SNX4: variants seen among roughly 807,000 people sequenced by gnomAD.
SNX4 encodes sorting nexin 4, also known as sorting nexin-4.
Under a neutral mutation model 70.8 loss-of-function variants are expected in SNX4, and 49 were observed. The observed-to-expected ratio is 0.69, with a 90% confidence interval of 0.55 to 0.88. The LOEUF (loss-of-function observed/expected upper bound fraction) is 0.88. Among genes scored for constraint, SNX4 ranks in the 40% least tolerant of loss-of-function variants. The pLI is 0.00. For missense variants in SNX4, 528 were observed against 544.8 expected (o/e 0.97, Z 0.31); for synonymous variants, 206 against 183.8 (o/e 1.12, Z -0.98).
At chr3:125,480,664 C>T (rs890248024) in intron 6 of SNX4, among the ~76,000 whole-genome samples, 1 of 152,176 alleles carries the variant, frequency 6.6e-6, no homozygotes, top group Non-Finnish European at 1.5e-5. Flanking sequence ...CTCATGGTCT[C>T]TAACCTCAAT....
chr3:125,490,110 C>G (rs1404363883), intron 5 of SNX4, among the ~76,000 whole-genome samples: 2 of 151,858 alleles, frequency 1.3e-5, no homozygotes, highest in African/African-American at 2.4e-5. Flanking sequence ...GCCTGGACGA[C>G]AGAGAGAGAC....
At chr3:125,508,113 T>TCC (rs1935090310) in intron 1 of SNX4, among the ~76,000 whole-genome samples, 1 of 152,194 alleles carries the variant, frequency 6.6e-6, no homozygotes, top group South Asian at 2.1e-4. Flanking sequence ...AGATTTAATA[T>TCC]TATGAAGATA....
intron 13 of SNX4, among the ~76,000 whole-genome samples, chr3:125,448,300 ATTTT>A (rs199847928): frequency 7.6e-6 from 1 of 131,754 alleles, no homozygotes; most frequent in East Asian, 2.2e-4. Context: ...TATTTTTTGT[ATTTT>A]TTTTTTTTTT....
chr3:125,451,384 C>T lies in SNX4; in HGVS notation c.1226G>A (p.Arg409His), dbSNP rs760446516. The T allele has an allele frequency of 2.5e-6, 4 of 1,613,512 alleles. No homozygotes were observed. The highest frequency in any genetic ancestry group is 2.2e-5 in the East Asian group (1 of 44,842). The change falls in exon 13 of 14, where the codon CGC (arginine) becomes CAC (histidine). Residue 409 changes from arginine (R) to histidine (H), a missense_variant. Physicochemically the swap from Arg to His is conservative, Grantham distance 29 (BLOSUM62 0). Coordinates refer to ENST00000251775, the MANE Select transcript of SNX4 (RefSeq NM_003794.4). ...FVKNAWADIE[R>H]FKEQKNRDLK... ...GTCTCGGTTCTTTTGTTCTTTGAAG[C>T]GTTCAATATCAGCCCATGCGTTTTT...
chr3:125,465,122 T>C (rs1053736516), intron 9 of SNX4, among the ~76,000 whole-genome samples: 5 of 152,276 alleles, frequency 3.3e-5, no homozygotes, highest in African/African-American at 7.2e-5. Flanking sequence ...ACTCCAGGGA[T>C]CTACTCACGT....
chr3:125,500,799 C>CAAAAAAAAAAAAAAAAAAAAAAAAAAA (rs770336677), intron 2 of SNX4, among the ~76,000 whole-genome samples: 2 of 29,316 alleles, frequency 6.8e-5, no homozygotes, highest in African/African-American at 1.3e-4. Flanking sequence ...GACTCCGTCT[C>CAAAAAAAAAAAAAAAAAAAAAAAAAAA]AAAAAAAAAA....
At chr3:125,448,491 ATTGAG>A (rs1307460846) in intron 13 of SNX4, among the ~76,000 whole-genome samples, 1 of 151,860 alleles carries the variant, frequency 6.6e-6, no homozygotes, top group South Asian at 2.1e-4. Context: ...ACAAATATAA[ATTGAG>A]TTATTAAATT....
At chr3:125,457,876 C>G (rs948402568) in intron 10 of SNX4, among the ~76,000 whole-genome samples, 1 of 151,856 alleles carries the variant, frequency 6.6e-6, no homozygotes, top group Non-Finnish European at 1.5e-5. Flanking sequence ...CTGTACCCGG[C>G]CAAAAACGTC....
At chr3:125,451,200 CAAGAG>C in intron 13 of SNX4, 100 bp downstream of exon 13, 1 of 544,168 alleles carries the variant, frequency 1.8e-6, no homozygotes, top group African/African-American at 1.9e-5. Context: ...AAACATTCTA[CAAGAG>C]AAGAATAAAA....
intron 6 of SNX4, among the ~76,000 whole-genome samples, chr3:125,481,666 C>T (rs1049906446): frequency 6.6e-6 from 1 of 152,066 alleles, no homozygotes; most frequent in African/African-American, 2.4e-5. Context: ...TCTTGAACTC[C>T]CAACCTCAGG....
At chr3:125,472,409 T>A (rs1934196951) in intron 8 of SNX4, among the ~76,000 whole-genome samples, 2 of 152,176 alleles carry the variant, frequency 1.3e-5, no homozygotes, top group African/African-American at 4.8e-5. Flanking sequence ...AGTGTTGCCT[T>A]CATCAGTGCT....
At chr3:125,451,695 T>C (rs1294113369) in intron 12 of SNX4, among the ~76,000 whole-genome samples, 2 of 152,100 alleles carry the variant, frequency 1.3e-5, no homozygotes, top group Admixed American at 1.3e-4. Flanking sequence ...GGCGTGATCT[T>C]GGCTCACTGC....
At chr3:125,488,655 C>A (rs1358456283) in intron 6 of SNX4, among the ~76,000 whole-genome samples, 2 of 152,104 alleles carry the variant, frequency 1.3e-5, no homozygotes, top group East Asian at 3.9e-4. Context: ...TATGCAGACC[C>A]CACCTTTGTC....
intron 13 of SNX4, 147 bp downstream of exon 13, chr3:125,451,158 A>G (rs1933561756): frequency 2.2e-6 from 1 of 444,498 alleles, no homozygotes; most frequent in Non-Finnish European, 4.0e-6. Context: ...AATAAAACAG[A>G]AATCCTACAA....
intron 11 of SNX4, among the ~76,000 whole-genome samples, chr3:125,456,390 G>A (rs76450507): frequency 0.023 from 3,450 of 152,206 alleles, 138 homozygotes; most frequent in African/African-American, 0.079. Context: ...ACTAGGCATG[G>A]TGGCTTACCC....
intron 2 of SNX4, among the ~76,000 whole-genome samples, chr3:125,503,594 G>A (rs186106393): frequency 8.8e-4 from 134 of 151,916 alleles, no homozygotes; most frequent in African/African-American, 3.0e-3. Flanking sequence ...TTAATTTTTT[G>A]TAACTCCCAA....
At chr3:125,471,775 C>T (rs1346478232) in intron 8 of SNX4, among the ~76,000 whole-genome samples, 1 of 152,160 alleles carries the variant, frequency 6.6e-6, no homozygotes, top group African/African-American at 2.4e-5. Flanking sequence ...GTATTTAGTC[C>T]ATTTCTGCAC....
chr3:125,473,580 A>C (rs567432844), intron 8 of SNX4, among the ~76,000 whole-genome samples: 1 of 152,158 alleles, frequency 6.6e-6, no homozygotes, highest in Admixed American at 6.5e-5. Context: ...ATGCCCGGCT[A>C]ATTTTTGTAT....
intron 11 of SNX4, among the ~76,000 whole-genome samples, chr3:125,455,784 C>A (rs547216366): frequency 6.6e-6 from 1 of 152,012 alleles, no homozygotes; most frequent in African/African-American, 2.4e-5. Context: ...GTGGCCGAGG[C>A]GGGCGGATCA....
Sources: allele counts gnomAD v4.1 joint callset (sites outside exome capture counted in the v4.1 genomes callset), GRCh38; gene constraint gnomAD v4.1.1; transcripts MANE v1.5; gene names NCBI Gene and HGNC (gene_info 2026-07-23, HGNC 2026-07-21).